GCSAM: variants seen among roughly 807,000 people sequenced by gnomAD.
GCSAM encodes the protein germinal center-associated signaling and motility protein.
A neutral mutation model predicts 17.6 loss-of-function variants in GCSAM; 8 were observed. That is an observed-to-expected ratio of 0.46 (90% CI 0.27 to 0.82). The LOEUF is 0.82. Ranked by LOEUF, GCSAM falls within the 40% of genes least tolerant of loss-of-function variation. GCSAM has a pLI of 0.15. For missense variants in GCSAM, 192 were observed against 213.5 expected, an observed-to-expected ratio of 0.90 and a Z score of 0.63; for synonymous variants, 68 against 69.0, an observed-to-expected ratio of 0.98 and a Z score of 0.07.
In GCSAM at chr3:112,133,059, T is replaced by G. The variant is rs1250331069; in HGVS notation, c.29+33A>C. Reference sequence around the variant, plus strand: ...CCTTGCTGTATTGTCCTGTCCCATCTCCTCTGCTCTCCCACAGGGAGTCTA... The same window carrying G: ...CCTTGCTGTATTGTCCTGTCCCATCGCCTCTGCTCTCCCACAGGGAGTCTA... On this transcript the variant is annotated intron_variant, in intron 1 of 5. Transcript: ENST00000308910. The G allele has an allele frequency of 3.7e-6, 6 of 1,607,276 alleles. No homozygotes were observed. In the Admixed American group the frequency reaches 1.0e-4, roughly 27 times the overall value.
At chr3:112,127,925 T>C in intron 3 of GCSAM, 92 bp downstream of exon 3, 1 of 1,040,636 alleles carries the variant, frequency 9.6e-7, no homozygotes, top group East Asian at 2.4e-5. Context: ...AGGCTTCCAC[T>C]GTGGCCACAG....
chr3:112,127,132 T>C (rs1337392575), intron 3 of GCSAM, 99 bp from the exon 4 acceptor site: 2 of 725,158 alleles, frequency 2.8e-6, no homozygotes, highest in Admixed American at 2.8e-5. Flanking sequence ...TTGTTAAAGT[T>C]ATATACCTTT....
At chr3:112,126,889 T>C (rs1027381786) in intron 4 of GCSAM, 98 bp downstream of exon 4, 4 of 854,030 alleles carry the variant, frequency 4.7e-6, no homozygotes, top group Admixed American at 4.1e-5. Context: ...GATATTGTAA[T>C]TGAAATATGC....
At chr3:112,124,903 G>T (rs933968087) in intron 5 of GCSAM, among the ~76,000 whole-genome samples, 4 of 152,176 alleles carry the variant, frequency 2.6e-5, no homozygotes, top group African/African-American at 9.7e-5. Context: ...AAAATCGGGG[G>T]ATGGGATGGA....
At chr3:112,129,748 G>A (rs1220272323) in intron 2 of GCSAM, 1 of 152,134 alleles carries the variant, frequency 6.6e-6, no homozygotes, top group African/African-American at 2.4e-5. Context: ...CCTAACGCGG[G>A]CATTGGTGTT....
At chr3:112,126,499 C>T (rs2074321733) in intron 4 of GCSAM, among the ~76,000 whole-genome samples, 1 of 152,182 alleles carries the variant, frequency 6.6e-6, no homozygotes, top group African/African-American at 2.4e-5. Flanking sequence ...GGTATCTGCT[C>T]TTCCGGCTCC....
chr3:112,130,745 A>T, intron 1 of GCSAM: 1 of 550,008 alleles, frequency 1.8e-6, no homozygotes. Flanking sequence ...TCCAACCTCC[A>T]TGAACAAGTG....
At position 112,125,272 on chromosome 3, in the gene GCSAM, A is replaced by G. The variant is rs770117990; in HGVS notation, c.191-18T>C. On this transcript the variant is annotated intron_variant, in intron 4 of 5. Transcript: ENST00000308910. ...TCTTTCATCTGGAGAAAGAAAATAC[A>G]CTCAATGAATTTCAGGTTATGGGGA... 5.2e-6 allele frequency: 8 copies of G among 1,544,350 alleles called. No individual in the cohort carries two copies. The African/African-American group carries it at 5.4e-5, about 11-fold the overall frequency.
At chr3:112,130,812 A>G (rs2074435258) in intron 1 of GCSAM, 1 of 404,780 alleles carries the variant, frequency 2.5e-6, no homozygotes, top group South Asian at 2.4e-5. Context: ...CCTTGAGAGT[A>G]TCCGTGTCCA....
At chr3:112,132,616 A>G (rs1363252254) in intron 1 of GCSAM, 8 of 983,512 alleles carry the variant, frequency 8.1e-6, no homozygotes, top group Non-Finnish European at 9.7e-6. Context: ...TGCCTATTTA[A>G]TCTAGATGAC....
At chr3:112,126,812 T>C (rs1234620609) in intron 4 of GCSAM, among the ~76,000 whole-genome samples, 175 bp downstream of exon 4, 1 of 152,224 alleles carries the variant, frequency 6.6e-6, no homozygotes, top group Non-Finnish European at 1.5e-5. Context: ...CAATTCCTGC[T>C]TCAATGAGCT....
chr3:112,125,227 TG>T lies in GCSAM; in HGVS notation c.217del (p.Gln73ArgfsTer116). ...ENERMSSTPI[Q>X]DNVDQTYSEE... ...ATAGCTTAGAGATGTTCTTATTACC[TG>T]GATGGGAGTAGATGACATTCTTTCA... is the stretch of plus-strand genomic sequence containing the variant. On this transcript the variant is annotated frameshift_variant and splice_region_variant, in exon 5 of 6. Coordinates refer to ENST00000308910, the MANE Select transcript of GCSAM (RefSeq NM_152785.5). LOFTEE classifies it low-confidence loss of function (END_TRUNC). The T allele has an allele frequency of 6.4e-7, 1 of 1,564,534 alleles. No individual in the cohort carries two copies. The highest frequency in any genetic ancestry group is 8.8e-7 in the Non-Finnish European group (1 of 1,134,914).
intron 4 of GCSAM, among the ~76,000 whole-genome samples, chr3:112,126,612 G>A (rs2107805141): frequency 6.6e-6 from 1 of 152,250 alleles, no homozygotes; most frequent in South Asian, 2.1e-4. Context: ...AGTATCTCCT[G>A]CAGCTGTCAG....
rs751059230 is a variant in GCSAM, at chr3:112,123,732, G to C, written c.260C>G (p.Thr87Ser). The change falls in exon 6 of 6, where the codon ACC becomes AGC. Residue 87 changes from threonine (T) to serine (S), a missense_variant. Transcript: ENST00000308910. ...DQTYSEELCY[T>S]LINHRVLCTR... Reference sequence around the variant, plus strand: ...ACAGAGAACCCGATGATTGATGAGGGTATAGCACAGCTCCTCTGAGTAGGT... The same window carrying C: ...ACAGAGAACCCGATGATTGATGAGGCTATAGCACAGCTCCTCTGAGTAGGT... 1 of 1,613,852 alleles carries C rather than the reference G, an allele frequency of 6.2e-7. No individual in the cohort carries two copies. Among genetic ancestry groups the C allele is most frequent in the Non-Finnish European group, 8.5e-7 (1 of 1,179,894 alleles).
intron 4 of GCSAM, among the ~76,000 whole-genome samples, chr3:112,126,033 A>G (rs940351767): frequency 3.9e-5 from 6 of 152,320 alleles, no homozygotes; most frequent in Admixed American, 3.9e-4. Context: ...CGGTCCTCAC[A>G]TCCTGGATTT....
At position 112,123,450 on chromosome 3, in the gene GCSAM, C is replaced by G. The variant is rs1482523132; in HGVS notation, c.*5G>C. On this transcript the variant is annotated 3_prime_UTR_variant, in exon 6 of 6. Coordinates refer to ENST00000308910, the MANE Select transcript of GCSAM (RefSeq NM_152785.5). ...TGCTAAACAAATGCTAGTCCAGCCACTTCACTATAAATGGGAAAACTGAGT... is the reference window on the plus strand; with the variant it reads ...TGCTAAACAAATGCTAGTCCAGCCAGTTCACTATAAATGGGAAAACTGAGT... 6.2e-7 allele frequency: 1 copy of G among 1,613,072 alleles called. No individual in the cohort carries two copies. Among genetic ancestry groups the G allele is most frequent in the Admixed American group, 1.7e-5 (1 of 59,970 alleles).
At chr3:112,132,793 A>G in intron 1 of GCSAM, 1 of 438,834 alleles carries the variant, frequency 2.3e-6, no homozygotes, top group Non-Finnish European at 3.2e-6. Flanking sequence ...GGGCTTTCAG[A>G]AAGTTGTTTC....
intron 5 of GCSAM, among the ~76,000 whole-genome samples, chr3:112,124,448 A>C (rs899774945): frequency 6.6e-6 from 1 of 152,094 alleles, no homozygotes; most frequent in Non-Finnish European, 1.5e-5. Context: ...ATTTCTACTG[A>C]AAATACAAAA....
chr3:112,122,750 A>T lies in GCSAM; in HGVS notation c.*705T>A, dbSNP rs1576157035. The T allele has an allele frequency of 6.6e-6, 1 of 152,210 alleles. No homozygotes were observed. The highest frequency in any genetic ancestry group is 2.4e-5 in the African/African-American group (1 of 41,462). The allele number at this position is 152,210 out of a possible 1,614,324, so 9.4% of individuals were successfully genotyped here. ...TATCCTCTCTGAGCCAAAGAAGGGT[A>T]GTGGGATTACGGGATCTCCAAGGAT... On this transcript the variant is annotated 3_prime_UTR_variant, in exon 6 of 6. Coordinates refer to ENST00000308910, the MANE Select transcript of GCSAM (RefSeq NM_152785.5).
Sources: gnomAD v4.1 joint callset for allele counts (sites outside exome capture counted in the v4.1 genomes callset) on GRCh38, gnomAD v4.1.1 for gene constraint, MANE v1.5 for transcripts, NCBI Gene and HGNC (gene_info 2026-07-23, HGNC 2026-07-21) for gene names.